DPP10: variants seen among roughly 807,000 people sequenced by gnomAD.
The protein encoded by DPP10 is dipeptidyl peptidase like 10.
DPP10 carries 33 observed loss-of-function variants against 120.9 expected under a neutral mutation model. That is an observed-to-expected ratio of 0.27 (90% CI 0.21 to 0.37). The LOEUF is 0.37. Ranked by LOEUF, DPP10 falls within the 10% of genes least tolerant of loss-of-function variation. DPP10 has a pLI of 1.00. For missense variants in DPP10, 816 were observed against 942.8 expected (o/e 0.87, Z 1.76); for synonymous variants, 337 against 326.1 (o/e 1.03, Z -0.36).
chr2:115,237,222 C>T (rs1559291613), intron 1 of DPP10, among the ~76,000 whole-genome samples: 1 of 150,616 alleles, frequency 6.6e-6, no homozygotes, highest in East Asian at 2.0e-4. Context: ...TTTGGGAAAT[C>T]TCAGAATATT....
chr2:115,633,316 C>T (rs1226817751), intron 5 of DPP10, among the ~76,000 whole-genome samples: 2 of 152,140 alleles, frequency 1.3e-5, no homozygotes, highest in African/African-American at 4.8e-5. Flanking sequence ...TCATTCTCAG[C>T]AAACTATCGC....
At chr2:114,795,012 T>C (rs1051804825) in intron 1 of DPP10, among the ~76,000 whole-genome samples, 1 of 152,192 alleles carries the variant, frequency 6.6e-6, no homozygotes, top group African/African-American at 2.4e-5. Context: ...TGCTGTCAGA[T>C]TATTTTGTAT....
chr2:115,797,024 A>G (rs867878291), intron 19 of DPP10, among the ~76,000 whole-genome samples: 1 of 152,058 alleles, frequency 6.6e-6, no homozygotes, highest in South Asian at 2.1e-4. Flanking sequence ...AAGAATGATG[A>G]CTTGAATCAG....
At chr2:115,317,681 C>T (rs1402718550) in intron 2 of DPP10, among the ~76,000 whole-genome samples, 1 of 145,140 alleles carries the variant, frequency 6.9e-6, no homozygotes, top group Non-Finnish European at 1.5e-5. Context: ...GAAGTAGTAT[C>T]TCATTTGGTT....
chr2:114,486,438 C>T (rs1200589048), intron 1 of DPP10, among the ~76,000 whole-genome samples: 1 of 152,048 alleles, frequency 6.6e-6, no homozygotes, highest in African/African-American at 2.4e-5. Context: ...TAATAAGCTT[C>T]ATTTTATGAG....
At chr2:115,732,657 C>T (rs949820781) in intron 8 of DPP10, among the ~76,000 whole-genome samples, 1 of 151,976 alleles carries the variant, frequency 6.6e-6, no homozygotes, top group African/African-American at 2.4e-5. Context: ...TACAGCTACC[C>T]ACTTCACAGC....
At position 114,818,866 on chromosome 2, in the gene DPP10, C is replaced by T. The variant is rs1036381348; in HGVS notation, c.60+376028C>T. 4.6e-5 allele frequency among the ~76,000 whole-genome samples: 7 copies of T among 152,098 alleles called. No individual in the cohort carries two copies. In the East Asian group the frequency reaches 5.8e-4, roughly 13 times the overall value. ...CCCCATCATTACGCCAATGCCATTC[C>T]CTAATAAATGAATGTGAGGGGTTTT... is the stretch of plus-strand genomic sequence containing the variant. On this transcript the variant is annotated intron_variant, in intron 1 of 25. Coordinates refer to ENST00000410059, the MANE Select transcript of DPP10 (RefSeq NM_020868.6).
At chr2:114,924,268 G>A (rs1013202283) in intron 1 of DPP10, among the ~76,000 whole-genome samples, 1 of 152,144 alleles carries the variant, frequency 6.6e-6, no homozygotes, top group Non-Finnish European at 1.5e-5. Flanking sequence ...GCTCACGCCT[G>A]TAATCCTAGC....
At chr2:115,805,578 T>A (rs1208334034) in intron 19 of DPP10, among the ~76,000 whole-genome samples, 2 of 150,666 alleles carry the variant, frequency 1.3e-5, no homozygotes, top group South Asian at 2.1e-4. Context: ...GGCTCCCATT[T>A]TTTTTTTTTT....
chr2:115,719,638 C>T (rs1166453477), intron 7 of DPP10, among the ~76,000 whole-genome samples: 1 of 152,092 alleles, frequency 6.6e-6, no homozygotes. Flanking sequence ...ATTATGGAAA[C>T]AGAATTTTAT....
At chr2:115,062,168 G>T (rs1706469603) in intron 1 of DPP10, among the ~76,000 whole-genome samples, 1 of 133,796 alleles carries the variant, frequency 7.5e-6, no homozygotes, top group Admixed American at 7.5e-5. Context: ...GTGTGTGTGT[G>T]TATGTGTGTG....
intron 1 of DPP10, among the ~76,000 whole-genome samples, chr2:114,643,031 T>C (rs1032474885): frequency 6.6e-6 from 1 of 151,882 alleles, no homozygotes; most frequent in Non-Finnish European, 1.5e-5. Context: ...GCATATGAGG[T>C]CCTGATTTTG....
At chr2:114,583,285 A>C (rs548410691) in intron 1 of DPP10, among the ~76,000 whole-genome samples, 15 of 151,018 alleles carry the variant, frequency 9.9e-5, no homozygotes, top group African/African-American at 3.7e-4. Flanking sequence ...ACAGACTGAC[A>C]GAAATTGGTG....
At chr2:115,244,277 GAGAGA>G (rs2058432079) in intron 1 of DPP10, among the ~76,000 whole-genome samples, 4 of 117,748 alleles carry the variant, frequency 3.4e-5, no homozygotes, top group Non-Finnish European at 7.2e-5. Context: ...GAGAGAGAGA[GAGAGA>G]CATATATATG....
chr2:115,785,500 A>T (rs1683232326), intron 17 of DPP10, among the ~76,000 whole-genome samples: 1 of 152,078 alleles, frequency 6.6e-6, no homozygotes, highest in Admixed American at 6.5e-5. Context: ...TTTATTACTC[A>T]TTTAATTTCA....
At chr2:115,295,548 G>A (rs1574329178) in intron 1 of DPP10, among the ~76,000 whole-genome samples, 1 of 152,146 alleles carries the variant, frequency 6.6e-6, no homozygotes, top group East Asian at 1.9e-4. Flanking sequence ...ATTAAAAGCA[G>A]CATAGGAATA....
chr2:115,463,027 G>T (rs1398358494), intron 3 of DPP10, among the ~76,000 whole-genome samples: 3 of 152,144 alleles, frequency 2.0e-5, no homozygotes, highest in Non-Finnish European at 4.4e-5. Context: ...GCTGCGCCCA[G>T]CCTATAATTT....
chr2:114,499,979 A>G (rs1439993649), intron 1 of DPP10, among the ~76,000 whole-genome samples: 1 of 152,206 alleles, frequency 6.6e-6, no homozygotes, highest in Non-Finnish European at 1.5e-5. Context: ...CTTAGGATTC[A>G]TCTGTTGTCA....
At chr2:114,535,861 A>G (rs1686439503) in intron 1 of DPP10, among the ~76,000 whole-genome samples, 1 of 151,998 alleles carries the variant, frequency 6.6e-6, no homozygotes, top group South Asian at 2.1e-4. Context: ...TTTCAACCTC[A>G]TTTTTCACCA....
Sources: gnomAD v4.1 joint callset for allele counts (sites outside exome capture counted in the v4.1 genomes callset) on GRCh38, gnomAD v4.1.1 for gene constraint, MANE v1.5 for transcripts, NCBI Gene and HGNC (gene_info 2026-07-23, HGNC 2026-07-21) for gene names.